Variants in OPRM1 observed in about 807,000 individuals in gnomAD.
OPRM1 encodes mu-type opioid receptor.
Under a neutral mutation model 31.8 loss-of-function variants are expected in OPRM1, and 27 were observed. The ratio of observed to expected loss-of-function variants is 0.85; its 90% CI spans 0.63 to 1.17. The LOEUF is 1.17. Among genes scored for constraint, OPRM1 ranks in the 50% most tolerant of loss-of-function variants. OPRM1 has a pLI of 0.00. For synonymous variants in OPRM1, 196 were observed against 189.9 expected (o/e 1.03, Z -0.26); for missense variants, 536 against 511.1 (o/e 1.05, Z -0.47).
rs546294219 is a variant in OPRM1, at chr6:154,151,476, T to C, written c.1164+60004T>C. 3.3e-5 allele frequency among the ~76,000 whole-genome samples: 5 copies of C among 152,180 alleles called. No individual in the cohort carries two copies. The East Asian group carries it at 5.8e-4, about 18-fold the overall frequency. ...TCAGTCATTGTTGTGGCCGCCATGG[T>C]TGGGGATGGGGAGCATAACCTCCTG... On this transcript the variant is annotated intron_variant, in intron 3 of 3. Transcript: ENST00000337049.
chr6:154,126,417 G>C lies in OPRM1; in HGVS notation c.*7696G>C, dbSNP rs112891390. On this transcript the variant is annotated 3_prime_UTR_variant, in exon 4 of 4. Coordinates refer to ENST00000330432, the MANE Select transcript of OPRM1 (RefSeq NM_000914.5). ...GAGGACAAAGACAAAGAAATTCTGGGAAGGAGAACAACAATTATATTCCCC... is the reference window on the plus strand; with the variant it reads ...GAGGACAAAGACAAAGAAATTCTGGCAAGGAGAACAACAATTATATTCCCC... Among the ~76,000 whole-genome samples, 63 of 152,308 alleles carry C rather than the reference G, an allele frequency of 4.1e-4. No individual in the cohort carries two copies. Among genetic ancestry groups the C allele is most frequent in the African/African-American group, 1.5e-3 (62 of 41,568 alleles).
intron 3 of OPRM1, among the ~76,000 whole-genome samples, chr6:154,202,638 C>T (rs946873351): frequency 1.3e-5 from 2 of 152,074 alleles, no homozygotes; most frequent in Non-Finnish European, 2.9e-5. Flanking sequence ...AACAACAGAC[C>T]ATGTACACAG....
intron 3 of OPRM1, chr6:154,223,238 C>T: frequency 6.2e-7 from 1 of 1,612,382 alleles, no homozygotes; most frequent in Non-Finnish European, 8.5e-7. Flanking sequence ...CATCAGCTTT[C>T]TCTGCCTGAA....
intron 3 of OPRM1, among the ~76,000 whole-genome samples, chr6:154,175,692 C>A (rs1413630087): frequency 6.6e-6 from 1 of 151,984 alleles, no homozygotes. Context: ...AGCCTACCAA[C>A]CAAAAAAAAT....
At chr6:154,113,638 G>C (rs780412639) in intron 3 of OPRM1, among the ~76,000 whole-genome samples, 7 of 152,130 alleles carry the variant, frequency 4.6e-5, no homozygotes, top group South Asian at 4.1e-4. Context: ...AGGTAAAAAG[G>C]GTGATTAATT....
intron 3 of OPRM1, among the ~76,000 whole-genome samples, chr6:154,179,431 A>G (rs1182970974): frequency 1.3e-5 from 2 of 152,184 alleles, no homozygotes; most frequent in East Asian, 3.8e-4. Context: ...AGAGCGAGGA[A>G]AAAAGATTGG....
chr6:154,068,935 C>T (rs774328181), intron 1 of OPRM1, among the ~76,000 whole-genome samples: 1 of 152,244 alleles, frequency 6.6e-6, no homozygotes, highest in African/African-American at 2.4e-5. Context: ...GTAGTTTTGA[C>T]TCGCATTTCC....
chr6:154,183,614 G>T (rs1165835987), intron 3 of OPRM1, among the ~76,000 whole-genome samples: 1 of 152,172 alleles, frequency 6.6e-6, no homozygotes, highest in African/African-American at 2.4e-5. Context: ...TAAAAAGAAA[G>T]ATTGGGCTGG....
chr6:154,245,649 T>C (rs1364276086), intron 3 of OPRM1, among the ~76,000 whole-genome samples: 1 of 152,192 alleles, frequency 6.6e-6, no homozygotes, highest in Non-Finnish European at 1.5e-5. Context: ...TAAAAAGAAC[T>C]TTCCTGGCTT....
chr6:154,061,621 A>G (rs1351699037), intron 1 of OPRM1, among the ~76,000 whole-genome samples: 1 of 152,128 alleles, frequency 6.6e-6, no homozygotes, highest in Non-Finnish European at 1.5e-5. Flanking sequence ...CTAAACATTG[A>G]GTACACATGG....
intron 3 of OPRM1, among the ~76,000 whole-genome samples, chr6:154,236,839 C>T (rs1005907417): frequency 2.0e-5 from 3 of 152,160 alleles, no homozygotes; most frequent in Admixed American, 1.3e-4. Flanking sequence ...TGGGTGCGTT[C>T]TCTTTCAAGG....
At chr6:154,010,808 G>A (rs1777684502) in exon 1 of OPRM1, 9 of 1,403,508 alleles carry the variant, frequency 6.4e-6, no homozygotes, top group Non-Finnish European at 8.3e-6. Flanking sequence ...GCTGCTCTGA[G>A]ATGATAGAAA....
At chr6:154,239,711 CTT>C (rs10712453) in intron 3 of OPRM1, among the ~76,000 whole-genome samples, 1 of 151,176 alleles carries the variant, frequency 6.6e-6, no homozygotes, top group Non-Finnish European at 1.5e-5. Context: ...ACTGAAGAAA[CTT>C]TTTTTTTTGA....
At chr6:154,066,628 C>T (rs1332071041) in intron 1 of OPRM1, among the ~76,000 whole-genome samples, 2 of 151,614 alleles carry the variant, frequency 1.3e-5, no homozygotes, top group South Asian at 4.2e-4. Flanking sequence ...TGATGGGGTA[C>T]TAATGAGGTT....
chr6:154,110,446 T>C, intron 3 of OPRM1: 4 of 1,401,922 alleles, frequency 2.9e-6, no homozygotes, highest in Non-Finnish European at 4.0e-6. Context: ...GAATATAAGA[T>C]TGGAAGCCAG....
chr6:154,192,665 GA>G (rs59125446), intron 3 of OPRM1, among the ~76,000 whole-genome samples: 14,665 of 147,340 alleles, frequency 0.1, 1,022 homozygotes, highest in African/African-American at 0.21. Context: ...AAATTAGGAA[GA>G]AAAAAAAATG....
intron 3 of OPRM1, among the ~76,000 whole-genome samples, chr6:154,113,295 T>A (rs891292380): frequency 6.6e-6 from 1 of 152,180 alleles, no homozygotes; most frequent in Non-Finnish European, 1.5e-5. Context: ...TAGAAAACCA[T>A]GTATCCCTCA....
downstream of OPRM1, among the ~76,000 whole-genome samples, chr6:154,134,773 A>G (rs546874955): frequency 1.3e-5 from 2 of 152,180 alleles, no homozygotes; most frequent in East Asian, 3.9e-4. Flanking sequence ...TGAGCAGCGA[A>G]TTTAAAATTT....
At chr6:154,081,998 C>A (rs1789277110) in intron 1 of OPRM1, among the ~76,000 whole-genome samples, 1 of 152,130 alleles carries the variant, frequency 6.6e-6, no homozygotes, top group African/African-American at 2.4e-5. Flanking sequence ...CTGCTATCAC[C>A]CCTCGTTCTC....
Sources: gnomAD v4.1 joint callset for allele counts (sites outside exome capture counted in the v4.1 genomes callset) on GRCh38, gnomAD v4.1.1 for gene constraint, MANE v1.5 for transcripts, NCBI Gene and HGNC (gene_info 2026-07-23, HGNC 2026-07-21) for gene names.